Variants in RALGAPA1 observed in about 807,000 individuals in gnomAD.
RALGAPA1 encodes the protein ral GTPase-activating protein subunit alpha-1.
Under a neutral mutation model 269.6 loss-of-function variants are expected in RALGAPA1, and 52 were observed. That is an observed-to-expected ratio of 0.19 (90% CI 0.15 to 0.24). The LOEUF (loss-of-function observed/expected upper bound fraction) is 0.24, where lower values mean the gene tolerates loss of function less well. Among genes scored for constraint, RALGAPA1 ranks in the 10% least tolerant of loss-of-function variants. RALGAPA1 has a pLI of 1.00. For missense variants in RALGAPA1, 1,917 were observed against 3,013.9 expected, an observed-to-expected ratio of 0.64 and a Z score of 8.52; for synonymous variants, 817 against 1,008.3, an observed-to-expected ratio of 0.81 and a Z score of 3.60.
At chr14:35,684,165 T>G (rs957187143) in intron 20 of RALGAPA1, among the ~76,000 whole-genome samples, 180 bp from the exon 21 acceptor site, 1 of 152,186 alleles carries the variant, frequency 6.6e-6, no homozygotes, top group African/African-American at 2.4e-5. Flanking sequence ...ATCGGGATAG[T>G]GTACAAGCCA....
At chr14:35,690,857 G>T (rs2066416086) in intron 17 of RALGAPA1, among the ~76,000 whole-genome samples, 1 of 152,002 alleles carries the variant, frequency 6.6e-6, no homozygotes, top group Non-Finnish European at 1.5e-5. Flanking sequence ...ATCACCTGAG[G>T]TCGGGAGTTC....
At chr14:35,556,909 A>T (rs2055662623) in intron 39 of RALGAPA1, among the ~76,000 whole-genome samples, 1 of 152,182 alleles carries the variant, frequency 6.6e-6, no homozygotes, top group Admixed American at 6.5e-5. Context: ...ACTAAATGAA[A>T]ACATTAAGTA....
intron 18 of RALGAPA1, among the ~76,000 whole-genome samples, 175 bp downstream of exon 18, chr14:35,688,284 A>G (rs2066133924): frequency 6.6e-6 from 1 of 152,250 alleles, no homozygotes; most frequent in African/African-American, 2.4e-5. Context: ...AGTAATTTAA[A>G]TAAACATTCT....
At chr14:35,618,588 A>G (rs760534591) in intron 35 of RALGAPA1, among the ~76,000 whole-genome samples, 1 of 152,122 alleles carries the variant, frequency 6.6e-6, no homozygotes, top group Non-Finnish European at 1.5e-5. Context: ...ACTATTAAAC[A>G]CTATCCTGCA....
At chr14:35,779,155 G>A (rs7144565) in intron 1 of RALGAPA1, among the ~76,000 whole-genome samples, 52,951 of 152,028 alleles carry the variant, frequency 0.35, 12,719 homozygotes, top group African/African-American at 0.67. Context: ...CAAAATAAAA[G>A]CACATACAAC....
At chr14:35,715,591 G>T in intron 16 of RALGAPA1, 1 of 294,970 alleles carries the variant, frequency 3.4e-6, no homozygotes, top group Non-Finnish European at 5.0e-6. Flanking sequence ...AATAATCTTT[G>T]TGAACTCATA....
chr14:35,650,950 A>ATT (rs2062789294), intron 31 of RALGAPA1, among the ~76,000 whole-genome samples: 1 of 150,954 alleles, frequency 6.6e-6, no homozygotes, highest in Non-Finnish European at 1.5e-5. Flanking sequence ...GAGGAATTAC[A>ATT]TTTTTCATGT....
intron 7 of RALGAPA1, among the ~76,000 whole-genome samples, chr14:35,755,560 A>G (rs1022833964): frequency 4.7e-5 from 6 of 127,288 alleles, no homozygotes; most frequent in Non-Finnish European, 9.1e-5. Flanking sequence ...ATGAAGTACA[A>G]AAGTATTTTT....
At chr14:35,778,184 C>T (rs1237257814) in intron 1 of RALGAPA1, among the ~76,000 whole-genome samples, 1 of 152,004 alleles carries the variant, frequency 6.6e-6, no homozygotes, top group African/African-American at 2.4e-5. Flanking sequence ...CCTCAGCCTC[C>T]AAAAGTACCT....
At chr14:35,582,992 A>G (rs1018094325) in intron 37 of RALGAPA1, among the ~76,000 whole-genome samples, 9 of 152,098 alleles carry the variant, frequency 5.9e-5, no homozygotes, top group South Asian at 2.1e-4. Flanking sequence ...CCTTACCACC[A>G]TACCACTAAA....
intron 10 of RALGAPA1, 31 bp from the exon 11 acceptor site, chr14:35,742,596 A>G: frequency 6.6e-7 from 1 of 1,504,872 alleles, no homozygotes. Context: ...CAAGATAATG[A>G]TACTTTTTCC....
intron 1 of RALGAPA1, among the ~76,000 whole-genome samples, chr14:35,805,137 A>G (rs2077264966): frequency 6.6e-6 from 1 of 151,850 alleles, no homozygotes; most frequent in African/African-American, 2.4e-5. Flanking sequence ...AATACAAAAA[A>G]AAAAGGCGGG....
chr14:35,644,052 G>A (rs1721281778), intron 31 of RALGAPA1, among the ~76,000 whole-genome samples: 1 of 152,148 alleles, frequency 6.6e-6, no homozygotes, highest in African/African-American at 2.4e-5. Flanking sequence ...GGATTATTTT[G>A]TAACACACAG....
chr14:35,601,358 G>A (rs1300755906), intron 36 of RALGAPA1, among the ~76,000 whole-genome samples: 1 of 152,104 alleles, frequency 6.6e-6, no homozygotes, highest in African/African-American at 2.4e-5. Flanking sequence ...GGCCTTCTCT[G>A]GCACTATTTG....
chr14:35,760,403 G>A (rs770095689), intron 6 of RALGAPA1, among the ~76,000 whole-genome samples: 3 of 152,138 alleles, frequency 2.0e-5, no homozygotes, highest in Admixed American at 1.3e-4. Context: ...AATTACAAAG[G>A]GGCTGGGTAC....
At chr14:35,724,777 A>G (rs1419232435) in intron 14 of RALGAPA1, among the ~76,000 whole-genome samples, 1 of 152,196 alleles carries the variant, frequency 6.6e-6, no homozygotes, top group Non-Finnish European at 1.5e-5. Context: ...GTTTGTTCAC[A>G]GACCTGATAT....
At chr14:35,599,526 C>A (rs569309770) in intron 36 of RALGAPA1, among the ~76,000 whole-genome samples, 6 of 152,172 alleles carry the variant, frequency 3.9e-5, no homozygotes, top group Admixed American at 2.6e-4. Flanking sequence ...GGGAGGATTG[C>A]CTGAGAACAG....
In RALGAPA1 at chr14:35,647,947, C is replaced by CTAAA. The variant is rs557114799; in HGVS notation, c.5676+3854_5676+3857dup. Reference sequence around the variant, plus strand: ...TGGGTGACACAGCGAAACTCCGTCTCTAAATAAATAAATAAATAAATAAGA... The same window carrying CTAAA: ...TGGGTGACACAGCGAAACTCCGTCTCTAAATAAATAAATAAATAAATAAATAAGA... On this transcript the variant is annotated intron_variant, in intron 31 of 41. Transcript: ENST00000680220. 6.1e-4 allele frequency among the ~76,000 whole-genome samples: 92 copies of CTAAA among 150,376 alleles called. No individual in the cohort carries two copies. The South Asian group carries it at 9.5e-3, about 16-fold the overall frequency.
At chr14:35,674,791 AT>A in intron 22 of RALGAPA1, 82 bp from the exon 23 acceptor site, 1 of 614,090 alleles carries the variant, frequency 1.6e-6, no homozygotes, top group East Asian at 2.9e-5. Flanking sequence ...TAAATTAACA[AT>A]CTTAAATATC....
Sources: allele counts gnomAD v4.1 joint callset (sites outside exome capture counted in the v4.1 genomes callset), GRCh38; gene constraint gnomAD v4.1.1; transcripts MANE v1.5; gene names NCBI Gene and HGNC (gene_info 2026-07-23, HGNC 2026-07-21).